The following CFAP95 variants were observed in gnomAD, a reference collection of about 807,000 sequenced individuals.
The protein encoded by CFAP95 is cilia and flagella associated protein 95.
chr9:69,887,067 A>G, the CFAP95 span, among the ~76,000 whole-genome samples: 1 of 152,194 alleles, frequency 6.6e-6, no homozygotes, highest in Non-Finnish European at 1.5e-5. Context: ...TATGGTTATG[A>G]TTTATTTTTG....
the CFAP95 span, chr9:69,858,078 A>G: frequency 2.8e-6 from 3 of 1,065,328 alleles, no homozygotes; most frequent in African/African-American, 4.7e-5. Context: ...AAGGTCAACA[A>G]AATGCCCTTT....
the CFAP95 span, among the ~76,000 whole-genome samples, chr9:69,903,228 G>A: frequency 3.3e-5 from 5 of 152,184 alleles, no homozygotes; most frequent in African/African-American, 7.2e-5. Flanking sequence ...ATGTCCAATC[G>A]TGGAAAAAGA....
chr9:69,896,208 T>C, the CFAP95 span, among the ~76,000 whole-genome samples: 1 of 152,120 alleles, frequency 6.6e-6, no homozygotes, highest in African/African-American at 2.4e-5. Flanking sequence ...TAATATAGAC[T>C]GAAGAATAAG....
At chr9:69,904,921 G>A in the CFAP95 span, among the ~76,000 whole-genome samples, 2 of 152,154 alleles carry the variant, frequency 1.3e-5, no homozygotes, top group Admixed American at 1.3e-4. Context: ...GGGATAATGA[G>A]TTTTATAGTC....
chr9:69,879,889 C>A, the CFAP95 span, among the ~76,000 whole-genome samples: 1 of 151,834 alleles, frequency 6.6e-6, no homozygotes, highest in Non-Finnish European at 1.5e-5. Context: ...TTTTTTTTAA[C>A]CTTAGGTTCT....
At chr9:69,831,766 C>A in the CFAP95 span, among the ~76,000 whole-genome samples, 1 of 152,110 alleles carries the variant, frequency 6.6e-6, no homozygotes, top group Non-Finnish European at 1.5e-5. Context: ...AGTTTCCAAC[C>A]GAGAGCAGTA....
the CFAP95 span, among the ~76,000 whole-genome samples, chr9:69,893,438 A>G: frequency 1.3e-5 from 2 of 152,244 alleles, no homozygotes; most frequent in Non-Finnish European, 2.9e-5. Flanking sequence ...TGAAGATTCT[A>G]TAGAAAGCCT....
At chr9:69,898,981 A>T in the CFAP95 span, among the ~76,000 whole-genome samples, 5 of 151,510 alleles carry the variant, frequency 3.3e-5, no homozygotes, top group South Asian at 1.0e-3. Flanking sequence ...CTTTGTCCTC[A>T]GTTAGCTGTG....
chr9:69,839,991 C>T, the CFAP95 span, among the ~76,000 whole-genome samples: 3 of 151,134 alleles, frequency 2.0e-5, no homozygotes, highest in Non-Finnish European at 1.5e-5. Context: ...GGAGGAGAAT[C>T]GCTTGAACCC....
chr9:69,842,013 C>T, the CFAP95 span, among the ~76,000 whole-genome samples: 2 of 152,166 alleles, frequency 1.3e-5, no homozygotes, highest in Admixed American at 6.5e-5. Context: ...CCCCCTATTC[C>T]CAGGGTAATG....
At chr9:69,871,019 G>GACCA in the CFAP95 span, among the ~76,000 whole-genome samples, 5 of 152,082 alleles carry the variant, frequency 3.3e-5, no homozygotes, top group South Asian at 2.1e-4. Context: ...AGGAGTTCGA[G>GACCA]ACCAGCCTGG....
chr9:69,836,762 G>A, the CFAP95 span, among the ~76,000 whole-genome samples: 1 of 145,754 alleles, frequency 6.9e-6, no homozygotes, highest in African/African-American at 2.5e-5. Flanking sequence ...TAAGTTTTAG[G>A]GTACATGTGC....
chr9:69,873,693 T>C, the CFAP95 span, among the ~76,000 whole-genome samples: 8 of 152,356 alleles, frequency 5.3e-5, no homozygotes, highest in Admixed American at 1.3e-4. Context: ...ACCCGTCTGA[T>C]TTGGTGAATA....
At chr9:69,845,985 C>T in the CFAP95 span, among the ~76,000 whole-genome samples, 1 of 152,178 alleles carries the variant, frequency 6.6e-6, no homozygotes, top group Non-Finnish European at 1.5e-5. Context: ...TGCTCCATTC[C>T]CCCACAAACA....
At chr9:69,880,813 C>G in the CFAP95 span, among the ~76,000 whole-genome samples, 494 of 152,244 alleles carry the variant, frequency 3.2e-3, 5 homozygotes, top group African/African-American at 0.011. Context: ...ACATCCTCAC[C>G]AGCATTTGTT....
At chr9:69,879,133 C>A in the CFAP95 span, among the ~76,000 whole-genome samples, 2 of 152,096 alleles carry the variant, frequency 1.3e-5, no homozygotes, top group Non-Finnish European at 2.9e-5. Flanking sequence ...GGACAAATAT[C>A]CAAACAGTGT....
At chr9:69,876,993 G>A in the CFAP95 span, among the ~76,000 whole-genome samples, 3 of 152,092 alleles carry the variant, frequency 2.0e-5, no homozygotes, top group African/African-American at 7.2e-5. Context: ...TGAAAACTTT[G>A]TTTATAGTAT....
At chr9:69,868,690 A>C in the CFAP95 span, among the ~76,000 whole-genome samples, 18 of 151,744 alleles carry the variant, frequency 1.2e-4, no homozygotes, top group Non-Finnish European at 2.2e-4. Flanking sequence ...AAAAACAAAA[A>C]CAAAAAGAAA....
chr9:69,828,156 C>A, the CFAP95 span, among the ~76,000 whole-genome samples: 1 of 152,148 alleles, frequency 6.6e-6, no homozygotes, highest in Non-Finnish European at 1.5e-5. Context: ...ACTCAGAACT[C>A]AAAAATTTCA....
Sources: gnomAD v4.1 joint callset for allele counts (sites outside exome capture counted in the v4.1 genomes callset) on GRCh38, gnomAD v4.1.1 for gene constraint, MANE v1.5 for transcripts, NCBI Gene and HGNC (gene_info 2026-07-23, HGNC 2026-07-21) for gene names.